The following PUF60 variants were observed in gnomAD, a reference collection of about 807,000 sequenced individuals.
PUF60 encodes poly(U)-binding-splicing factor PUF60.
A neutral mutation model predicts 61.8 loss-of-function variants in PUF60; 10 were observed. The observed-to-expected ratio is 0.16, with a 90% CI of 0.10 to 0.27. The LOEUF is 0.27. Ranked by LOEUF, PUF60 falls within the 10% of genes least tolerant of loss-of-function variation. The pLI, the probability that PUF60 is intolerant of heterozygous loss-of-function variation, is 1.00. For missense variants in PUF60, 371 were observed against 754.0 expected, an observed-to-expected ratio of 0.49 and a Z score of 5.95; for synonymous variants, 353 against 300.9, an observed-to-expected ratio of 1.17 and a Z score of -1.79.
intron 1 of PUF60, chr8:143,824,715 G>A (rs1035122535): frequency 3.5e-5 from 14 of 397,734 alleles, no homozygotes; most frequent in African/African-American, 6.1e-5. Context: ...CTGCCGGCAG[G>A]CTGGACGGCC....
chr8:143,827,752 C>T (rs1817796013), intron 1 of PUF60, among the ~76,000 whole-genome samples: 1 of 152,232 alleles, frequency 6.6e-6, no homozygotes, highest in South Asian at 2.1e-4. Context: ...TGGCAACAAA[C>T]ACCCCAACAG....
Position 143,829,313 on chromosome 8 carries a change from G to C in PUF60, c.-10C>G, listed in dbSNP as rs1227232273. On this transcript the variant is annotated 5_prime_UTR_variant, in exon 1 of 12. Transcript: ENST00000526683. ...TGGTCGCCGTCGCCATCTTGCGTCC[G>C]TCGCGGCCTCCGCGCGCGCCTCCCA... The C allele has an allele frequency of 1.1e-5, 14 of 1,259,442 alleles. No individual in the cohort carries two copies. The highest frequency in any genetic ancestry group is 1.4e-5 in the Non-Finnish European group (14 of 996,478). 78.0% of individuals were successfully genotyped at this position (1,259,442 alleles called of 1,614,324 possible). A position where few individuals can be genotyped will look rare whatever the true frequency, so the allele number is the denominator to read the frequency against.
intron 1 of PUF60, among the ~76,000 whole-genome samples, chr8:143,828,115 T>C (rs958625223): frequency 6.6e-6 from 1 of 152,226 alleles, no homozygotes; most frequent in Non-Finnish European, 1.5e-5. Context: ...TAGCCAGTCC[T>C]GTGAATCACA....
chr8:143,816,406 C>A lies in PUF60; in HGVS notation c.*114G>T. On this transcript the variant is annotated 3_prime_UTR_variant, in exon 12 of 12. Transcript: ENST00000526683. Reference sequence around the variant, plus strand: ...GGGCCAGCAGCATCCGCACCTTTATCCGCACTGTAGGCTGGGCTGGGCAGA... The same window carrying A: ...GGGCCAGCAGCATCCGCACCTTTATACGCACTGTAGGCTGGGCTGGGCAGA... 3.3e-6 allele frequency: 4 copies of A among 1,226,328 alleles called. No individual in the cohort carries two copies. Among genetic ancestry groups the A allele is most frequent in the Non-Finnish European group, 4.5e-6 (4 of 898,460 alleles). The allele number at this position is 1,226,328 out of a possible 1,614,324, so 76.0% of individuals were successfully genotyped here.
Position 143,816,476 on chromosome 8 carries a change from G to A in PUF60, c.*44C>T, listed in dbSNP as rs766011402. ...CACCACTGTATCACTATAAAACCCA[G>A]AGGAAACAAGGAACAAGTGCAAGTC... On this transcript the variant is annotated 3_prime_UTR_variant, in exon 12 of 12. Transcript: ENST00000526683. 9.6e-6 allele frequency: 15 copies of A among 1,569,408 alleles called. No individual in the cohort carries two copies. In the Admixed American group the frequency reaches 1.2e-4, roughly 13 times the overall value.
Position 143,829,004 on chromosome 8 carries a change from C to G in PUF60, c.24+276G>C, listed in dbSNP as rs1340760623. On this transcript the variant is annotated intron_variant, in intron 1 of 11. Transcript: ENST00000526683. ...CGGACCTAGCGGACAGGAACGCAAC[C>G]CCGCCAGGCTCGCCCGCAAGGGCCA... The G allele has an allele frequency of 7.0e-6, 7 of 994,668 alleles. No homozygotes were observed. The African/African-American group carries it at 1.0e-4, about 15-fold the overall frequency. The allele number at this position is 994,668 out of a possible 1,614,324, so 61.6% of individuals were successfully genotyped here. A position where few individuals can be genotyped will look rare whatever the true frequency, so the allele number is the denominator to read the frequency against.
intron 1 of PUF60, among the ~76,000 whole-genome samples, chr8:143,826,255 C>G (rs1269710162): frequency 1.3e-5 from 2 of 152,184 alleles, no homozygotes; most frequent in African/African-American, 4.8e-5. Flanking sequence ...TTCCTCAGCC[C>G]AGAGCAAAGA....
intron 1 of PUF60, chr8:143,828,948 C>G (rs1817976010): frequency 1.0e-6 from 1 of 987,966 alleles, no homozygotes; most frequent in African/African-American, 1.7e-5. Flanking sequence ...ACACCCCCGT[C>G]GGCAAAGGGA....
chr8:143,817,168 C>T lies in PUF60; in HGVS notation c.1145-23G>A, dbSNP rs370586589. On this transcript the variant is annotated intron_variant, in intron 10 of 11. Coordinates refer to ENST00000526683, the MANE Select transcript of PUF60 (RefSeq NM_078480.3). The surrounding 1 kb of genome is among the most constrained non-coding windows in gnomAD (Gnocchi z 7.4). Reference sequence around the variant, plus strand: ...CACCTGCAGGAAAACCAACCAGGTCCATCAGTCACTCCCTACCACCCCCCT... The same window carrying T: ...CACCTGCAGGAAAACCAACCAGGTCTATCAGTCACTCCCTACCACCCCCCT... The T allele has an allele frequency of 6.4e-7, 1 of 1,567,068 alleles. No homozygotes were observed. The highest frequency in any genetic ancestry group is 8.7e-7 in the Non-Finnish European group (1 of 1,155,132).
intron 2 of PUF60, among the ~76,000 whole-genome samples, chr8:143,822,224 G>T (rs1431908802): frequency 2.6e-5 from 4 of 152,022 alleles, no homozygotes; most frequent in African/African-American, 9.7e-5. Context: ...GCCCCTTGTT[G>T]TCAGTCTGAC....
At chr8:143,824,195 G>A (rs879912112) in intron 2 of PUF60, 118 bp downstream of exon 2, 102 of 1,040,800 alleles carry the variant, frequency 9.8e-5, no homozygotes, top group South Asian at 2.5e-4. Context: ...AAGGGTTCCC[G>A]AGGTTCCTCC....
At chr8:143,819,885 C>T (rs1485796729) in intron 5 of PUF60, among the ~76,000 whole-genome samples, 1 of 152,186 alleles carries the variant, frequency 6.6e-6, no homozygotes, top group Non-Finnish European at 1.5e-5. Flanking sequence ...ACCCCCAGCC[C>T]GGGCTCCCAT....
chr8:143,821,721 C>T (rs747269886), intron 3 of PUF60, 35 bp from the exon 4 acceptor site: 108 of 1,546,544 alleles, frequency 7.0e-5, no homozygotes, highest in Non-Finnish European at 9.4e-5. Context: ...ACTGGGGGCC[C>T]AGCCCATGGG....
chr8:143,816,787 G>A lies in PUF60; in HGVS notation c.1413C>T (p.Asp471=). Residue 471 remains aspartate, a synonymous_variant, in exon 12 of 12, where the codon GAC becomes GAT. Transcript: ENST00000526683. ...STVMVLRNMV[D]PKDIDDDLEG... ...CCAGGTCATCATCGATGTCCTTGGG[G>A]TCCACCATGTTGCGCAGAACCATCA... The A allele has an allele frequency of 6.2e-7, 1 of 1,613,538 alleles. No individual in the cohort carries two copies. The highest frequency in any genetic ancestry group is 2.2e-5 in the East Asian group (1 of 44,874).
In PUF60 at chr8:143,824,366, G is replaced by GC. The variant is rs1322646034; in HGVS notation, c.57dup (p.Pro20AlafsTer120). ...GCCACCACTGCCGCCGCCGCCGCCG[G>GC]CTCGGACCCCCCTCCTTGCTGGCCA... On this transcript the variant is annotated frameshift_variant, in exon 2 of 12. Transcript: ENST00000526683. LOFTEE classifies it high-confidence loss of function. 6.2e-7 allele frequency: 1 copy of GC among 1,612,474 alleles called. No individual in the cohort carries two copies. The highest frequency in any genetic ancestry group is 8.5e-7 in the Non-Finnish European group (1 of 1,179,738).
At chr8:143,821,342 A>C in intron 4 of PUF60, 3 of 582,626 alleles carry the variant, frequency 5.1e-6, no homozygotes, top group Non-Finnish European at 9.2e-6. Flanking sequence ...AGGAAGGGGA[A>C]AAGGGTAGAG....
Position 143,817,845 on chromosome 8 carries a change from C to G in PUF60, c.817+17G>C. 2 of 1,610,160 alleles carry G rather than the reference C, an allele frequency of 1.2e-6. No homozygotes were observed. Among genetic ancestry groups the G allele is most frequent in the Non-Finnish European group, 8.5e-7 (1 of 1,178,098 alleles). On this transcript the variant is annotated intron_variant, in intron 8 of 11. Transcript: ENST00000526683. This position sits in a 1 kb window ranked among gnomAD's most constrained non-coding sequence, Gnocchi z 7.4. ...GCCTCAGGTGGCCCCCATCCCGCCTCAGCCACCCCAGCTCACCAATGAAGC... is the reference window on the plus strand; with the variant it reads ...GCCTCAGGTGGCCCCCATCCCGCCTGAGCCACCCCAGCTCACCAATGAAGC...
Position 143,817,311 on chromosome 8 carries a change from T to G in PUF60, c.1144+20A>C. 1 of 1,577,124 alleles carries G rather than the reference T, an allele frequency of 6.3e-7. No individual in the cohort carries two copies. The highest frequency in any genetic ancestry group is 8.6e-7 in the Non-Finnish European group (1 of 1,166,236). The stretch of plus-strand genomic sequence containing the variant: ...TGCCAGGACAGGAGAGGAGAGGATC[T>G]GGTACCACTTAAGACTCACCTGTGA... On this transcript the variant is annotated intron_variant, in intron 10 of 11. Transcript: ENST00000526683. This position sits in a 1 kb window ranked among gnomAD's most constrained non-coding sequence, Gnocchi z 7.4.
intron 1 of PUF60, among the ~76,000 whole-genome samples, chr8:143,828,132 G>A (rs1217081390): frequency 2.0e-5 from 3 of 152,212 alleles, no homozygotes; most frequent in East Asian, 3.9e-4. Context: ...CACACACTGG[G>A]CTGCCCTCGC....
Sources: allele counts gnomAD v4.1 joint callset (sites outside exome capture counted in the v4.1 genomes callset), GRCh38; gene constraint gnomAD v4.1.1; non-coding constraint Gnocchi (gnomAD v3.1); transcripts MANE v1.5; gene names NCBI Gene and HGNC (gene_info 2026-07-23, HGNC 2026-07-21).